COL4A1: variants seen among roughly 807,000 people sequenced by gnomAD.
COL4A1 encodes collagen type IV alpha 1 chain, also known as collagen alpha-1(IV) chain.
A neutral mutation model predicts 216.6 loss-of-function variants in COL4A1; 40 were observed. The ratio of observed to expected loss-of-function variants is 0.18; its 90% CI spans 0.14 to 0.24. The LOEUF (loss-of-function observed/expected upper bound fraction) is 0.24, where lower values mean the gene tolerates loss of function less well. COL4A1 is among the 10% of genes least tolerant of loss of function. The pLI is 1.00. For missense variants in COL4A1, 1,628 were observed against 2,196.8 expected, an observed-to-expected ratio of 0.74 and a Z score of 5.18; for synonymous variants, 839 against 810.7, an observed-to-expected ratio of 1.03 and a Z score of -0.59.
intron 46 of COL4A1, 28 bp from the exon 47 acceptor site, chr13:110,163,589 T>A (rs2139147618): frequency 1.3e-6 from 2 of 1,581,206 alleles, no homozygotes; most frequent in South Asian, 1.1e-5. Context: ...TAATTTATGA[T>A]CCTGTATGGC....
chr13:110,288,245 A>G (rs1210234870), intron 1 of COL4A1, among the ~76,000 whole-genome samples: 4 of 147,716 alleles, frequency 2.7e-5, no homozygotes, highest in Non-Finnish European at 4.5e-5. Flanking sequence ...GCCTGAAACA[A>G]GAGCGAAACT....
intron 1 of COL4A1, among the ~76,000 whole-genome samples, chr13:110,275,480 G>A (rs1386282483): frequency 1.3e-5 from 2 of 152,132 alleles, no homozygotes; most frequent in Non-Finnish European, 2.9e-5. Flanking sequence ...GCAGCCACTC[G>A]GGAAGGCAGT....
intron 1 of COL4A1, among the ~76,000 whole-genome samples, chr13:110,256,695 T>C (rs1269380745): frequency 6.6e-6 from 1 of 152,118 alleles, no homozygotes; most frequent in Non-Finnish European, 1.5e-5. Context: ...GTGAGGGGTT[T>C]GCATCCACTT....
chr13:110,199,103 G>C (rs1879042333), intron 20 of COL4A1, among the ~76,000 whole-genome samples: 1 of 152,216 alleles, frequency 6.6e-6, no homozygotes. Flanking sequence ...AGTCAGAGTA[G>C]CCATTAGGTG....
In COL4A1 at chr13:110,230,406, G is replaced by A. The variant is rs547717825; in HGVS notation, c.144+12269C>T. Among the ~76,000 whole-genome samples, 11 of 152,242 alleles carry A rather than the reference G, an allele frequency of 7.2e-5. No homozygotes were observed. In the East Asian group the frequency reaches 1.2e-3, roughly 16 times the overall value. On this transcript the variant is annotated intron_variant, in intron 2 of 51. Transcript: ENST00000375820. ...TGGCAGGCGCGGGTCATCAGGGCTC[G>A]TCGTGACACCCTGGAAAATCACACA...
In COL4A1 at chr13:110,162,308, A is replaced by C; in HGVS notation, c.4384T>G (p.Ser1462Ala). 6.2e-7 allele frequency: 1 copy of C among 1,614,232 alleles called. No individual in the cohort carries two copies. The highest frequency in any genetic ancestry group is 8.5e-7 in the Non-Finnish European group (1 of 1,180,032). The change falls in exon 48 of 52, where the codon TCT becomes GCT. Residue 1462 changes from serine (S) to alanine (A), a missense_variant. Ser to Ala is a moderately conservative substitution (Grantham distance 99, BLOSUM62 1). Coordinates refer to ENST00000375820, the MANE Select transcript of COL4A1 (RefSeq NM_001845.6). ...SQTIDDPQCP[S>A]GTKILYHGYS... ...CCGTGGTAAAGAATTTTGGTCCCAG[A>C]AGGACACTGTGGGTCATCTATTGTT...
chr13:110,207,620 A>G lies in COL4A1; in HGVS notation c.694-131T>C. 1 of 715,358 alleles carries G rather than the reference A, an allele frequency of 1.4e-6. No homozygotes were observed. The highest frequency in any genetic ancestry group is 2.4e-6 in the Non-Finnish European group (1 of 420,778). The allele number at this position is 715,358 out of a possible 1,614,324, so 44.3% of individuals were successfully genotyped here. On this transcript the variant is annotated intron_variant, in intron 12 of 51. Transcript: ENST00000375820. The surrounding 1 kb of genome is among the most constrained non-coding windows in gnomAD (Gnocchi z 4.4). ...ATGTAATTATACTCTATTCTGTTCTAATCATCCTTGCCTCTGCAGAAAATC... is the reference window on the plus strand; with the variant it reads ...ATGTAATTATACTCTATTCTGTTCTGATCATCCTTGCCTCTGCAGAAAATC...
intron 10 of COL4A1, 46 bp downstream of exon 10, chr13:110,209,934 T>C: frequency 6.3e-7 from 1 of 1,588,328 alleles, no homozygotes; most frequent in Non-Finnish European, 8.6e-7. Flanking sequence ...CTCAATATAG[T>C]TGTTTTTTAA....
At chr13:110,301,685 G>A (rs972920426) in intron 1 of COL4A1, among the ~76,000 whole-genome samples, 1 of 152,212 alleles carries the variant, frequency 6.6e-6, no homozygotes, top group Non-Finnish European at 1.5e-5. Flanking sequence ...GAGCTTCAGT[G>A]GAATGCGTGC....
chr13:110,226,127 C>T (rs900253443), intron 2 of COL4A1, among the ~76,000 whole-genome samples: 2 of 152,174 alleles, frequency 1.3e-5, no homozygotes, highest in Non-Finnish European at 2.9e-5. Flanking sequence ...GCTAGTGTTC[C>T]CACAAGTCAT....
intron 1 of COL4A1, among the ~76,000 whole-genome samples, chr13:110,248,914 A>G (rs985798180): frequency 6.6e-6 from 1 of 152,120 alleles, no homozygotes. Context: ...CGAAACCTCA[A>G]AGACTGCACG....
intron 2 of COL4A1, among the ~76,000 whole-genome samples, chr13:110,239,919 G>A (rs189469080): frequency 6.6e-6 from 1 of 152,254 alleles, no homozygotes; most frequent in Admixed American, 6.5e-5. Flanking sequence ...GACAATAAGG[G>A]GAAGTTTGTT....
intron 48 of COL4A1, 184 bp downstream of exon 48, chr13:110,162,046 G>A (rs1188571925): frequency 1.4e-5 from 10 of 701,070 alleles, no homozygotes; most frequent in African/African-American, 1.8e-5. Flanking sequence ...CTGTTGAACC[G>A]ATTATTTGTA....
At chr13:110,259,991 C>T (rs1745666625) in intron 1 of COL4A1, among the ~76,000 whole-genome samples, 2 of 152,134 alleles carry the variant, frequency 1.3e-5, no homozygotes, top group South Asian at 4.1e-4. Flanking sequence ...GTACATGGAT[C>T]ATGCTACCAG....
At chr13:110,260,247 G>C (rs751838948) in intron 1 of COL4A1, among the ~76,000 whole-genome samples, 4 of 152,200 alleles carry the variant, frequency 2.6e-5, no homozygotes, top group African/African-American at 4.8e-5. Flanking sequence ...ATGGCGGCAG[G>C]CTAGAGAGCT....
intron 47 of COL4A1, among the ~76,000 whole-genome samples, chr13:110,162,671 T>A (rs191310370): frequency 6.6e-6 from 1 of 152,246 alleles, no homozygotes; most frequent in Admixed American, 6.5e-5. Flanking sequence ...TCAAGATATT[T>A]TTATAAGCAC....
chr13:110,288,444 G>T (rs188590869), intron 1 of COL4A1, among the ~76,000 whole-genome samples: 5 of 152,044 alleles, frequency 3.3e-5, no homozygotes, highest in Admixed American at 6.5e-5. Context: ...GCATAATTTT[G>T]TCTCTTGCAA....
chr13:110,167,321 C>T, intron 43 of COL4A1, 91 bp from the exon 44 acceptor site: 5 of 962,052 alleles, frequency 5.2e-6, no homozygotes, highest in Admixed American at 5.1e-5. Flanking sequence ...GAAACAGCCC[C>T]TCAATGTTCT....
At chr13:110,293,458 A>G (rs946332881) in intron 1 of COL4A1, among the ~76,000 whole-genome samples, 4 of 152,206 alleles carry the variant, frequency 2.6e-5, no homozygotes, top group Non-Finnish European at 5.9e-5. Flanking sequence ...ACAAGTGCAC[A>G]TCATATAGAA....
Sources: allele counts gnomAD v4.1 joint callset (sites outside exome capture counted in the v4.1 genomes callset), GRCh38; gene constraint gnomAD v4.1.1; non-coding constraint Gnocchi (gnomAD v3.1); transcripts MANE v1.5; gene names NCBI Gene and HGNC (gene_info 2026-07-23, HGNC 2026-07-21).